ZSCAN2: variants seen among roughly 807,000 people sequenced by gnomAD.
ZSCAN2 encodes zinc finger and SCAN domain-containing protein 2.
Under a neutral mutation model 47.8 loss-of-function variants are expected in ZSCAN2, and 26 were observed. The ratio of observed to expected loss-of-function variants is 0.54; its 90% CI spans 0.40 to 0.75. The LOEUF (loss-of-function observed/expected upper bound fraction) is 0.75, where lower values mean the gene tolerates loss of function less well. Among genes scored for constraint, ZSCAN2 ranks in the 30% least tolerant of loss-of-function variants. ZSCAN2 has a pLI of 0.00. For synonymous variants in ZSCAN2, 305 were observed against 288.7 expected, an observed-to-expected ratio of 1.06 and a Z score of -0.57; for missense variants, 732 against 785.4, an observed-to-expected ratio of 0.93 and a Z score of 0.81.
chr15:84,615,663 C>G (rs1240373542), intron 2 of ZSCAN2, among the ~76,000 whole-genome samples: 1 of 152,154 alleles, frequency 6.6e-6, no homozygotes, highest in African/African-American at 2.4e-5. Flanking sequence ...TTAACCTATT[C>G]CTTTGTTTCC....
chr15:84,601,018 C>G lies in ZSCAN2; in HGVS notation c.-226C>G, dbSNP rs1347754858. On this transcript the variant is annotated 5_prime_UTR_variant, in exon 1 of 3. Coordinates refer to ENST00000546148, the MANE Select transcript of ZSCAN2 (RefSeq NM_181877.4). ...GCGGCGGTGGGCGGGCCTCTCCCGT[C>G]CATTGTTCTCGGTGCCCCACGGGCT... 3 of 152,406 alleles carry G rather than the reference C, an allele frequency of 2.0e-5. No individual in the cohort carries two copies. In the East Asian group the frequency reaches 5.8e-4, roughly 29 times the overall value. The allele number at this position is 152,406 out of a possible 1,614,324, so 9.4% of individuals were successfully genotyped here.
chr15:84,611,237 C>T (rs917470972), intron 2 of ZSCAN2, among the ~76,000 whole-genome samples: 5 of 152,026 alleles, frequency 3.3e-5, no homozygotes, highest in African/African-American at 4.8e-5. Flanking sequence ...ACAGAGATCA[C>T]GCCACTGCAC....
intron 2 of ZSCAN2, chr15:84,612,094 G>C (rs1402935511): frequency 6.6e-6 from 1 of 152,204 alleles, no homozygotes; most frequent in Non-Finnish European, 1.5e-5. Flanking sequence ...GTGTGCTCTG[G>C]ATCTCATAGG....
At chr15:84,620,069 C>T (rs1203890393) in intron 2 of ZSCAN2, among the ~76,000 whole-genome samples, 1 of 151,998 alleles carries the variant, frequency 6.6e-6, no homozygotes, top group African/African-American at 2.4e-5. Context: ...GCCCAGCATC[C>T]ATTAGCTATT....
rs1895792999 is a variant in ZSCAN2, at chr15:84,620,599, C to T, written c.407-3C>T. The T allele has an allele frequency of 6.3e-7, 1 of 1,590,548 alleles. No homozygotes were observed. The highest frequency in any genetic ancestry group is 1.7e-5 in the Admixed American group (1 of 58,950). On this transcript the variant is annotated splice_polypyrimidine_tract_variant and splice_region_variant and intron_variant, in intron 2 of 2. Coordinates refer to ENST00000546148, the MANE Select transcript of ZSCAN2 (RefSeq NM_181877.4). ...CATTGTATGTTTTTCTTCATTGTTT[C>T]AGATTTTGAGATACAGAGTGAAAAT...
At chr15:84,620,369 G>C (rs1895787480) in intron 2 of ZSCAN2, among the ~76,000 whole-genome samples, 1 of 152,064 alleles carries the variant, frequency 6.6e-6, no homozygotes, top group Non-Finnish European at 1.5e-5. Context: ...TTGATTCTAT[G>C]TCTTTGCTAT....
intron 2 of ZSCAN2, among the ~76,000 whole-genome samples, chr15:84,611,514 G>A (rs1337607322): frequency 5.9e-5 from 9 of 151,940 alleles, no homozygotes; most frequent in Admixed American, 2.6e-4. Flanking sequence ...TTGGGAGGCT[G>A]AGGTGGGTGG....
In ZSCAN2 at chr15:84,620,623, A is replaced by G; in HGVS notation, c.428A>G (p.Asn143Ser). The stretch of plus-strand genomic sequence containing the variant: ...TCAGATTTTGAGATACAGAGTGAAA[A>G]TGGGGAGAACTGTAATCAAGACATG... Reference protein sequence around the residue: ...QDSDFEIQSENGENCNQDMFE... With the variant: ...QDSDFEIQSESGENCNQDMFE... The change falls in exon 3 of 3, where the codon AAT becomes AGT. Residue 143 changes from asparagine to serine, a missense_variant. Physicochemically the swap from Asn to Ser is conservative, Grantham distance 46. This residue lies in a region of ZSCAN2 where 320 missense variants were observed against 287.4 expected (regional missense o/e 1.11). Coordinates refer to ENST00000546148, the MANE Select transcript of ZSCAN2 (RefSeq NM_181877.4). 3 of 1,604,494 alleles carry G rather than the reference A, an allele frequency of 1.9e-6. No individual in the cohort carries two copies. The highest frequency in any genetic ancestry group is 2.6e-6 in the Non-Finnish European group (3 of 1,171,842).
In ZSCAN2 at chr15:84,620,665, G is replaced by T. The variant is rs149816515; in HGVS notation, c.470G>T (p.Arg157Leu). 4 of 1,614,052 alleles carry T rather than the reference G, an allele frequency of 2.5e-6. No homozygotes were observed. Among genetic ancestry groups the T allele is most frequent in the African/African-American group, 2.7e-5 (2 of 74,928 alleles). Residue 157 changes from arginine (R) to leucine (L), a missense_variant, in exon 3 of 3, where the codon CGT (arginine) becomes CTT (leucine). This residue lies in a region of ZSCAN2 where 320 missense variants were observed against 287.4 expected (regional missense o/e 1.11). Coordinates refer to ENST00000546148, the MANE Select transcript of ZSCAN2 (RefSeq NM_181877.4). ...CNQDMFENES[R>L]KIFSEMPEGE... Reference sequence around the variant, plus strand: ...CAAGACATGTTTGAGAATGAATCACGTAAGATATTCTCGGAAATGCCTGAA... The same window carrying T: ...CAAGACATGTTTGAGAATGAATCACTTAAGATATTCTCGGAAATGCCTGAA...
At position 84,604,282 on chromosome 15, in the gene ZSCAN2, G is replaced by C; in HGVS notation, c.355G>C (p.Glu119Gln). ...WLQEHRPESS[E>Q]EAAALVEDLT... ...GCAAGAGCATCGGCCTGAAAGCAGT[G>C]AGGAGGCAGCGGCCCTGGTGGAAGA... is the stretch of plus-strand genomic sequence containing the variant. The change falls in exon 2 of 3, where the codon GAG (glutamate) becomes CAG (glutamine). Residue 119 changes from glutamate to glutamine, a missense_variant. By Grantham distance (29) the Glu-to-Gln change is conservative (BLOSUM62 2). This residue lies in a region of ZSCAN2 where 320 missense variants were observed against 287.4 expected (regional missense o/e 1.11). Coordinates refer to ENST00000546148, the MANE Select transcript of ZSCAN2 (RefSeq NM_181877.4). 1.9e-6 allele frequency: 3 copies of C among 1,614,032 alleles called. No individual in the cohort carries two copies. Among genetic ancestry groups the C allele is most frequent in the Non-Finnish European group, 2.5e-6 (3 of 1,179,948 alleles).
chr15:84,611,409 C>A (rs1895544624), intron 2 of ZSCAN2, among the ~76,000 whole-genome samples: 2 of 151,962 alleles, frequency 1.3e-5, no homozygotes, highest in African/African-American at 2.4e-5. Flanking sequence ...GAGCCAAGAT[C>A]CCACCACTGC....
chr15:84,620,393 G>T (rs1196935712), intron 2 of ZSCAN2, among the ~76,000 whole-genome samples: 1 of 152,152 alleles, frequency 6.6e-6, no homozygotes, highest in Admixed American at 6.5e-5. Context: ...GAATAGTGCA[G>T]CATTGAACAT....
intron 2 of ZSCAN2, among the ~76,000 whole-genome samples, chr15:84,620,396 T>C (rs1423370015): frequency 6.6e-6 from 1 of 152,204 alleles, no homozygotes; most frequent in Non-Finnish European, 1.5e-5. Context: ...TAGTGCAGCA[T>C]TGAACATGTG....
chr15:84,616,763 G>T, intron 2 of ZSCAN2: 1 of 876,844 alleles, frequency 1.1e-6, no homozygotes, highest in Non-Finnish European at 1.4e-6. Flanking sequence ...ATTAATCAGG[G>T]TCTTGGCCTG....
intron 1 of ZSCAN2, chr15:84,602,371 A>G (rs543675818): frequency 2.6e-5 from 4 of 152,322 alleles, no homozygotes; most frequent in Admixed American, 2.0e-4. Context: ...TTAATGATTA[A>G]TCTTTGTCAA....
intron 2 of ZSCAN2, chr15:84,606,692 G>A: frequency 1.3e-6 from 2 of 1,508,104 alleles, no homozygotes; most frequent in African/African-American, 1.4e-5. Context: ...GGTCTCAGCA[G>A]GTGTCAGAGG....
intron 2 of ZSCAN2, among the ~76,000 whole-genome samples, chr15:84,604,784 C>G (rs1256128649): frequency 5.6e-5 from 8 of 142,606 alleles, no homozygotes; most frequent in African/African-American, 2.1e-4. Flanking sequence ...GTCACCCAGG[C>G]TGGGGTGCAG....
chr15:84,601,352 C>T (rs1442881968), intron 1 of ZSCAN2, among the ~76,000 whole-genome samples: 2 of 152,196 alleles, frequency 1.3e-5, no homozygotes, highest in African/African-American at 4.8e-5. Flanking sequence ...CTCCTTGCCT[C>T]TCCTACCGAG....
chr15:84,604,505 T>A (rs1895316325), intron 2 of ZSCAN2, among the ~76,000 whole-genome samples, 172 bp downstream of exon 2: 1 of 152,188 alleles, frequency 6.6e-6, no homozygotes, highest in Non-Finnish European at 1.5e-5. Flanking sequence ...GTGTCCTCAC[T>A]GTGTGCAAAG....
Sources: gnomAD v4.1 joint callset for allele counts (sites outside exome capture counted in the v4.1 genomes callset) on GRCh38, gnomAD v4.1.1 for gene constraint, gnomAD v4.1.1 regional missense constraint, MANE v1.5 for transcripts, NCBI Gene and HGNC (gene_info 2026-07-23, HGNC 2026-07-21) for gene names.